The following THSD4 variants were observed in gnomAD, a reference collection of about 807,000 sequenced individuals.
The protein encoded by THSD4 is thrombospondin type-1 domain-containing protein 4.
Under a neutral mutation model 119.0 loss-of-function variants are expected in THSD4, and 69 were observed. That is an observed-to-expected ratio of 0.58 (90% CI 0.48 to 0.71). The LOEUF (loss-of-function observed/expected upper bound fraction) is 0.71, where lower values mean the gene tolerates loss of function less well. Among genes scored for constraint, THSD4 ranks in the 30% least tolerant of loss-of-function variants. The probability of loss-of-function intolerance (pLI) is 0.00; values close to 1 mark genes in which losing one functional copy is unlikely to be tolerated. For synonymous variants in THSD4, 524 were observed against 540.4 expected, an observed-to-expected ratio of 0.97 and a Z score of 0.42; for missense variants, 1,393 against 1,391.1, an observed-to-expected ratio of 1.00 and a Z score of -0.02.
At chr15:71,479,465 T>C (rs937051912) in intron 7 of THSD4, among the ~76,000 whole-genome samples, 1 of 152,148 alleles carries the variant, frequency 6.6e-6, no homozygotes, top group African/African-American at 2.4e-5. Context: ...TATGGAAGGA[T>C]CAAGGACAAA....
chr15:71,712,976 C>T (rs1056443527), intron 8 of THSD4, among the ~76,000 whole-genome samples: 3 of 152,160 alleles, frequency 2.0e-5, no homozygotes, highest in Non-Finnish European at 4.4e-5. Context: ...AATTTTAAAA[C>T]ATCAAGTTTA....
chr15:71,291,670 C>T (rs2044793148), intron 6 of THSD4, among the ~76,000 whole-genome samples: 2 of 152,194 alleles, frequency 1.3e-5, no homozygotes, highest in Non-Finnish European at 2.9e-5. Context: ...GAAACACCCT[C>T]AAAGACACAC....
Position 71,367,439 on chromosome 15 carries a change from C to T in THSD4, c.1016-44248C>T, listed in dbSNP as rs574480861. On this transcript the variant is annotated intron_variant, in intron 6 of 17. Transcript: ENST00000261862. Reference sequence around the variant, plus strand: ...GTATATCTCCTAATGCTATCCCTCCCCACCCCACGACAGGCCCCGGTGTGT... The same window carrying T: ...GTATATCTCCTAATGCTATCCCTCCTCACCCCACGACAGGCCCCGGTGTGT... Among the ~76,000 whole-genome samples the T allele has an allele frequency of 3.3e-5, 5 of 152,300 alleles. No homozygotes were observed. The East Asian group carries it at 7.7e-4, about 24-fold the overall frequency.
At chr15:71,622,267 A>G (rs948052610) in intron 7 of THSD4, among the ~76,000 whole-genome samples, 2 of 152,246 alleles carry the variant, frequency 1.3e-5, no homozygotes, top group Non-Finnish European at 2.9e-5. Flanking sequence ...TTCTGAAATC[A>G]TGCAATTTAT....
At chr15:71,522,398 G>A (rs2048455494) in intron 7 of THSD4, among the ~76,000 whole-genome samples, 1 of 152,174 alleles carries the variant, frequency 6.6e-6, no homozygotes, top group African/African-American at 2.4e-5. Context: ...CCCCAGTCCA[G>A]GGCATGCACA....
intron 7 of THSD4, among the ~76,000 whole-genome samples, chr15:71,611,404 C>A (rs1277747127): frequency 6.6e-6 from 1 of 152,184 alleles, no homozygotes; most frequent in Non-Finnish European, 1.5e-5. Flanking sequence ...TTTGCTGCTG[C>A]CTACTTCCTG....
intron 3 of THSD4, among the ~76,000 whole-genome samples, chr15:71,157,677 CTCTTT>C (rs897597297): frequency 2.3e-5 from 2 of 86,178 alleles, no homozygotes; most frequent in African/African-American, 9.2e-5. Context: ...TCTATATCAA[CTCTTT>C]TTTTTTTTTT....
chr15:71,582,024 GT>G (rs1291946573), intron 7 of THSD4, among the ~76,000 whole-genome samples: 1 of 152,020 alleles, frequency 6.6e-6, no homozygotes, highest in Non-Finnish European at 1.5e-5. Flanking sequence ...TTTTAGGATT[GT>G]TTTTCAGTTT....
In THSD4 at chr15:71,301,378, G is replaced by A. The variant is rs1596323816; in HGVS notation, c.1015+44663G>A. Reference sequence around the variant, plus strand: ...CATGATTTTTCCGTGATTTTTCACGGCTCCAAGTATCTCATTTATATTTAT... The same window carrying A: ...CATGATTTTTCCGTGATTTTTCACGACTCCAAGTATCTCATTTATATTTAT... On this transcript the variant is annotated intron_variant, in intron 6 of 17. Coordinates refer to ENST00000261862, the MANE Select transcript of THSD4 (RefSeq NM_024817.3). Among the ~76,000 whole-genome samples the A allele has an allele frequency of 2.6e-5, 4 of 152,150 alleles. No individual in the cohort carries two copies. In the East Asian group the frequency reaches 7.7e-4, roughly 29 times the overall value.
chr15:71,118,356 A>C (rs1464044690), intron 1 of THSD4, among the ~76,000 whole-genome samples: 1 of 151,970 alleles, frequency 6.6e-6, no homozygotes, highest in African/African-American at 2.4e-5. Flanking sequence ...CCAGCTCAGA[A>C]ATTCAGATTT....
At chr15:71,263,352 ATTTTCT>A (rs1286688765) in intron 6 of THSD4, among the ~76,000 whole-genome samples, 1 of 55,280 alleles carries the variant, frequency 1.8e-5, no homozygotes, top group African/African-American at 7.3e-5. Flanking sequence ...TATATACGAC[ATTTTCT>A]TTATCAAGTT....
At chr15:71,527,769 G>A (rs2048547036) in intron 7 of THSD4, among the ~76,000 whole-genome samples, 1 of 135,730 alleles carries the variant, frequency 7.4e-6, no homozygotes, top group Non-Finnish European at 1.5e-5. Flanking sequence ...CTGGAGTGCA[G>A]TGGCACAATC....
intron 7 of THSD4, among the ~76,000 whole-genome samples, chr15:71,604,808 A>G (rs2050077438): frequency 7.0e-6 from 1 of 142,714 alleles, no homozygotes; most frequent in Non-Finnish European, 1.5e-5. Context: ...AAGTGCCAAA[A>G]GTGAAAACAA....
intron 7 of THSD4, among the ~76,000 whole-genome samples, chr15:71,462,296 A>T (rs368181317): frequency 6.6e-6 from 1 of 152,220 alleles, no homozygotes; most frequent in South Asian, 2.1e-4. Flanking sequence ...AGTAGCTGAG[A>T]TTACAAGCAA....
At chr15:71,718,626 TG>T (rs1411443060) in intron 8 of THSD4, among the ~76,000 whole-genome samples, 2 of 152,214 alleles carry the variant, frequency 1.3e-5, no homozygotes, top group Non-Finnish European at 2.9e-5. Flanking sequence ...GTCTGCCTGA[TG>T]TCTTCCATCC....
chr15:71,206,342 A>T (rs1471719742), intron 3 of THSD4, among the ~76,000 whole-genome samples: 2 of 151,938 alleles, frequency 1.3e-5, no homozygotes, highest in Non-Finnish European at 2.9e-5. Context: ...AAGTGGTCCC[A>T]CCTCCCCGAG....
chr15:71,588,442 A>T (rs2049730256), intron 7 of THSD4, among the ~76,000 whole-genome samples: 2 of 150,938 alleles, frequency 1.3e-5, no homozygotes. Context: ...TATTTTTCTG[A>T]GACAGGGTCT....
At chr15:71,714,848 A>G (rs1250693682) in intron 8 of THSD4, among the ~76,000 whole-genome samples, 1 of 152,182 alleles carries the variant, frequency 6.6e-6, no homozygotes, top group Non-Finnish European at 1.5e-5. Flanking sequence ...TTACCCACAT[A>G]ACAATCCTGC....
chr15:71,340,116 A>G (rs1033260631), intron 6 of THSD4, among the ~76,000 whole-genome samples: 1 of 152,114 alleles, frequency 6.6e-6, no homozygotes, highest in African/African-American at 2.4e-5. Context: ...TCATTATTGC[A>G]TTTGGACCTT....
Sources: gnomAD v4.1 joint callset for allele counts (sites outside exome capture counted in the v4.1 genomes callset) on GRCh38, gnomAD v4.1.1 for gene constraint, MANE v1.5 for transcripts, NCBI Gene and HGNC (gene_info 2026-07-23, HGNC 2026-07-21) for gene names.